EIF3L: variants seen among roughly 807,000 people sequenced by gnomAD.
EIF3L encodes the protein eIEF associated protein HSPC021.
EIF3L carries 32 observed loss-of-function variants against 74.6 expected under a neutral mutation model. The observed-to-expected ratio is 0.43, with a 90% CI of 0.32 to 0.58. The LOEUF is 0.58. Ranked by LOEUF, EIF3L falls within the 20% of genes least tolerant of loss-of-function variation. The probability of loss-of-function intolerance (pLI) is 0.06; values close to 1 mark genes in which losing one functional copy is unlikely to be tolerated. For synonymous variants in EIF3L, 256 were observed against 254.4 expected (o/e 1.01, Z -0.06); for missense variants, 474 against 707.8 (o/e 0.67, Z 3.75).
intron 3 of EIF3L, among the ~76,000 whole-genome samples, chr22:37,853,585 C>T (rs895560331): frequency 3.3e-5 from 5 of 152,028 alleles, no homozygotes; most frequent in African/African-American, 1.2e-4. Flanking sequence ...CAGTGAGCTG[C>T]ACAATGGAGC....
chr22:37,851,587 CGGGGGGGTT>C (rs1375267552), intron 3 of EIF3L, 97 bp downstream of exon 3: 3 of 103,242 alleles, frequency 2.9e-5, no homozygotes, highest in Non-Finnish European at 6.5e-5. Flanking sequence ...ACAGTACTTT[CGGGGGGGTT>C]GGGGGGTGGG....
At chr22:37,867,975 AAG>A (rs1357763684) in intron 7 of EIF3L, among the ~76,000 whole-genome samples, 17 of 151,364 alleles carry the variant, frequency 1.1e-4, no homozygotes, top group African/African-American at 1.9e-4. Flanking sequence ...AAAAAAGAAA[AAG>A]AAAAAAAAAT....
chr22:37,850,957 T>C (rs1925175308), intron 2 of EIF3L, among the ~76,000 whole-genome samples: 1 of 152,178 alleles, frequency 6.6e-6, no homozygotes, highest in African/African-American at 2.4e-5. Context: ...TTTCCAACAG[T>C]CTTGCCTCTC....
intron 12 of EIF3L, chr22:37,888,206 T>C (rs1927419868): frequency 3.8e-6 from 2 of 529,526 alleles, no homozygotes; most frequent in East Asian, 6.0e-5. Context: ...TGTGTATGGG[T>C]TTGTTGAGTG....
At chr22:37,878,233 T>G (rs1450018685) in intron 11 of EIF3L, 62 bp downstream of exon 11, 1 of 1,516,112 alleles carries the variant, frequency 6.6e-7, no homozygotes, top group East Asian at 2.3e-5. Context: ...CATTCACTAT[T>G]GTGGGCACAT....
At chr22:37,872,444 T>C (rs1926526628) in intron 8 of EIF3L, among the ~76,000 whole-genome samples, 1 of 152,090 alleles carries the variant, frequency 6.6e-6, no homozygotes, top group African/African-American at 2.4e-5. Context: ...TCTAAAAAAA[T>C]ATTGGTTCTC....
intron 8 of EIF3L, among the ~76,000 whole-genome samples, chr22:37,872,063 T>C (rs1035879481): frequency 6.6e-6 from 1 of 152,104 alleles, no homozygotes; most frequent in Non-Finnish European, 1.5e-5. Context: ...GAATTTTTCT[T>C]TTGTTAACGT....
chr22:37,850,031 A>C lies in EIF3L; in HGVS notation c.50A>C (p.Tyr17Ser), dbSNP rs757334226. Residue 17 changes from tyrosine to serine, a missense_variant, in exon 2 of 13, where the codon TAC becomes TCC. Physicochemically the swap from Tyr to Ser is moderately radical, Grantham distance 144. This residue lies in a region of EIF3L where 39 missense variants were observed against 24.2 expected (regional missense o/e 1.61). Coordinates refer to ENST00000652021, the MANE Select transcript of EIF3L (RefSeq NM_016091.4). ...TCCTTCTAGGCGGCTTATGACCCCT[A>C]CGCTTATCCCAGCGACTATGATATG... ...DYESEAAYDPYAYPSDYDMHT... is the reference protein window; with the variant it reads ...DYESEAAYDPSAYPSDYDMHT... 6.2e-7 allele frequency: 1 copy of C among 1,613,740 alleles called. No homozygotes were observed. The highest frequency in any genetic ancestry group is 8.5e-7 in the Non-Finnish European group (1 of 1,179,818).
intron 10 of EIF3L, chr22:37,876,689 TTGA>T (rs36058288): frequency 0.27 from 40,370 of 151,970 alleles, 6,563 homozygotes; most frequent in Non-Finnish European, 0.35. Context: ...TGATAAGGAC[TTGA>T]TGATAATATC....
At chr22:37,882,654 G>T (rs1415416356) in intron 11 of EIF3L, 1 of 152,056 alleles carries the variant, frequency 6.6e-6, no homozygotes, top group Non-Finnish European at 1.5e-5. Flanking sequence ...TCCAGCCTGG[G>T]CAACAGAGTG....
intron 12 of EIF3L, 97 bp from the exon 13 acceptor site, chr22:37,888,329 G>T: frequency 1.5e-6 from 2 of 1,347,898 alleles, no homozygotes; most frequent in Non-Finnish European, 2.1e-6. Context: ...CTTGGCTTCA[G>T]AGGGGCAGCT....
In EIF3L at chr22:37,870,152, CA is replaced by C. The variant is rs750473927; in HGVS notation, c.580-23del. ...TCACTTTGGGCTTATACCACTACTG[CA>C]TGTTTCTTTTCTTCCTCAACAGTTT... On this transcript the variant is annotated intron_variant, in intron 7 of 12. Transcript: ENST00000652021. The C allele has an allele frequency of 3.2e-6, 5 of 1,572,548 alleles. No homozygotes were observed. In the African/African-American group the frequency reaches 6.8e-5, roughly 21 times the overall value.
intron 4 of EIF3L, among the ~76,000 whole-genome samples, chr22:37,858,170 T>A (rs1306977102): frequency 6.6e-6 from 1 of 150,788 alleles, no homozygotes; most frequent in Non-Finnish European, 1.5e-5. Flanking sequence ...AGCGAGACCC[T>A]GTCTTCAAAC....
At chr22:37,875,560 C>G (rs1926701489) in intron 9 of EIF3L, among the ~76,000 whole-genome samples, 1 of 152,060 alleles carries the variant, frequency 6.6e-6, no homozygotes, top group Non-Finnish European at 1.5e-5. Context: ...ATTGAAAAAG[C>G]AAGGAAAAAT....
chr22:37,863,972 G>A (rs1369508694), intron 7 of EIF3L, among the ~76,000 whole-genome samples: 2 of 152,124 alleles, frequency 1.3e-5, no homozygotes, highest in Non-Finnish European at 1.5e-5. Context: ...GGCTGAGGCA[G>A]GAGAATGGCG....
chr22:37,857,481 G>T (rs1358703590), intron 4 of EIF3L, among the ~76,000 whole-genome samples: 5 of 150,528 alleles, frequency 3.3e-5, no homozygotes, highest in Non-Finnish European at 5.9e-5. Flanking sequence ...TGTGTTTTCA[G>T]TGTACAAGTC....
rs1925231841 is a variant in EIF3L at position 37,851,636 on chromosome 22, A to G, written c.293+146A>G. The G allele has an allele frequency of 1.1e-5, 7 of 626,428 alleles. No homozygotes were observed. The South Asian group carries it at 1.3e-4, about 12-fold the overall frequency. The allele number at this position is 626,428 out of a possible 1,614,324, so 38.8% of individuals were successfully genotyped here. A position where few individuals can be genotyped will look rare whatever the true frequency, so the allele number is the denominator to read the frequency against. On this transcript the variant is annotated intron_variant, in intron 3 of 12. Coordinates refer to ENST00000652021, the MANE Select transcript of EIF3L (RefSeq NM_016091.4). ...TTTGTGAGTCCTTGAGGCTAGGGACATTTTATTTTGTTAGACTTTATTTTA... is the reference window on the plus strand; with the variant it reads ...TTTGTGAGTCCTTGAGGCTAGGGACGTTTTATTTTGTTAGACTTTATTTTA...
At chr22:37,879,346 T>A (rs1926924500) in intron 11 of EIF3L, 1 of 152,040 alleles carries the variant, frequency 6.6e-6, no homozygotes, top group Non-Finnish European at 1.5e-5. Flanking sequence ...TAAAAATAAA[T>A]TAGCTGGGCA....
rs141581051 is a variant in EIF3L, at chr22:37,851,847, T to C, written c.293+357T>C. 4.7e-4 allele frequency among the ~76,000 whole-genome samples: 72 copies of C among 152,196 alleles called. No homozygotes were observed. The East Asian group carries it at 0.012, about 26-fold the overall frequency. ...TGCCTAGTTAATTTTTTTGTATTTT[T>C]AGTAGAGACAGAATTTCACCATGTT... On this transcript the variant is annotated intron_variant, in intron 3 of 12. Transcript: ENST00000652021.
Sources: gnomAD v4.1 joint callset for allele counts (sites outside exome capture counted in the v4.1 genomes callset) on GRCh38, gnomAD v4.1.1 for gene constraint, gnomAD v4.1.1 regional missense constraint, MANE v1.5 for transcripts, NCBI Gene and HGNC (gene_info 2026-07-23, HGNC 2026-07-21) for gene names.